The following DOCK1 variants were observed in gnomAD, a reference collection of about 807,000 sequenced individuals.
DOCK1 encodes dedicator of cytokinesis protein 1.
A neutral mutation model predicts 262.7 loss-of-function variants in DOCK1; 138 were observed. The ratio of observed to expected loss-of-function variants is 0.53; its 90% confidence interval spans 0.46 to 0.61. The LOEUF (loss-of-function observed/expected upper bound fraction) is 0.61, where lower values mean the gene tolerates loss of function less well. Among genes scored for constraint, DOCK1 ranks in the 20% least tolerant of loss-of-function variants. The pLI is 0.00. For missense variants in DOCK1, 1,908 were observed against 2,370.7 expected, an observed-to-expected ratio of 0.80 and a Z score of 4.05; for synonymous variants, 866 against 867.4, an observed-to-expected ratio of 1.00 and a Z score of 0.03.
At chr10:127,433,810 G>A (rs955664061) in intron 48 of DOCK1, among the ~76,000 whole-genome samples, 1 of 151,738 alleles carries the variant, frequency 6.6e-6, no homozygotes, top group Non-Finnish European at 1.5e-5. Flanking sequence ...CCTTAAAACA[G>A]TATGAGATTG....
At chr10:127,101,489 G>A (rs1273314089) in intron 23 of DOCK1, among the ~76,000 whole-genome samples, 3 of 152,182 alleles carry the variant, frequency 2.0e-5, no homozygotes, top group Non-Finnish European at 4.4e-5. Flanking sequence ...CATCTTGGTC[G>A]GTTAAGCAGA....
chr10:126,999,008 G>A (rs1254363062), intron 8 of DOCK1, among the ~76,000 whole-genome samples: 1 of 151,924 alleles, frequency 6.6e-6, no homozygotes, highest in Non-Finnish European at 1.5e-5. Context: ...CAATGTATTT[G>A]GTTTGTCATA....
chr10:127,439,012 T>C lies in DOCK1; in HGVS notation c.5061-15T>C, dbSNP rs1368001918. ...AATTGCTCTCCTATTAAGACGTCAT[T>C]GACCTTTCCTTTAGGTTTGCCCTGG... On this transcript the variant is annotated splice_polypyrimidine_tract_variant and intron_variant, in intron 48 of 51. Coordinates refer to ENST00000623213, the MANE Select transcript of DOCK1 (RefSeq NM_001290223.2). 2 of 1,546,116 alleles carry C rather than the reference T, an allele frequency of 1.3e-6. No individual in the cohort carries two copies. Among genetic ancestry groups the C allele is most frequent in the African/African-American group, 1.4e-5 (1 of 72,702 alleles).
intron 1 of DOCK1, among the ~76,000 whole-genome samples, chr10:126,946,840 C>G (rs1367931004): frequency 2.6e-5 from 4 of 152,200 alleles, no homozygotes; most frequent in Non-Finnish European, 5.9e-5. Context: ...ATGGTTTCTT[C>G]CCAGCATTTG....
chr10:126,930,366 C>T (rs1278091082), intron 1 of DOCK1, among the ~76,000 whole-genome samples: 1 of 152,356 alleles, frequency 6.6e-6, no homozygotes, highest in East Asian at 1.9e-4. Flanking sequence ...CATTTAGTTG[C>T]ACGATTCTTG....
intron 35 of DOCK1, among the ~76,000 whole-genome samples, chr10:127,377,353 A>G (rs1345814157): frequency 6.6e-6 from 1 of 152,228 alleles, no homozygotes; most frequent in African/African-American, 2.4e-5. Flanking sequence ...ATGTATAACC[A>G]TCTCTAAATG....
chr10:126,968,942 A>G (rs1439057912), intron 1 of DOCK1, among the ~76,000 whole-genome samples: 1 of 152,250 alleles, frequency 6.6e-6, no homozygotes, highest in Non-Finnish European at 1.5e-5. Flanking sequence ...ACCTGAGGAA[A>G]TAGAATTTTC....
chr10:127,420,871 C>T (rs1055666940), intron 46 of DOCK1, among the ~76,000 whole-genome samples: 15 of 150,762 alleles, frequency 9.9e-5, no homozygotes, highest in South Asian at 2.1e-4. Flanking sequence ...CAAGGCTGTT[C>T]CTCTTATGAG....
At chr10:127,030,132 G>T (rs565243286) in intron 16 of DOCK1, among the ~76,000 whole-genome samples, 13 of 152,252 alleles carry the variant, frequency 8.5e-5, no homozygotes, top group Admixed American at 8.5e-4. Context: ...AGTGGGATCC[G>T]ACGGTAAATA....
intron 29 of DOCK1, among the ~76,000 whole-genome samples, chr10:127,263,130 G>A (rs938564426): frequency 2.6e-5 from 4 of 152,156 alleles, no homozygotes; most frequent in African/African-American, 4.8e-5. Flanking sequence ...TACTGCTTAC[G>A]TGAGTGAATT....
chr10:127,204,824 C>T (rs957513632), intron 27 of DOCK1, among the ~76,000 whole-genome samples: 3 of 152,122 alleles, frequency 2.0e-5, no homozygotes, highest in Admixed American at 1.3e-4. Context: ...CCGTGATAGC[C>T]GATACCCTCA....
intron 29 of DOCK1, among the ~76,000 whole-genome samples, chr10:127,328,875 C>T (rs1313227880): frequency 1.3e-5 from 2 of 151,916 alleles, no homozygotes; most frequent in Non-Finnish European, 2.9e-5. Context: ...CCCATGCCTG[C>T]AGTTTCTGAA....
chr10:126,982,707 G>A (rs941608166), intron 4 of DOCK1, among the ~76,000 whole-genome samples: 1 of 152,084 alleles, frequency 6.6e-6, no homozygotes, highest in Admixed American at 6.6e-5. Flanking sequence ...AGAACCGTTC[G>A]GGTTCCATAG....
At chr10:127,201,245 C>G (rs1471600727) in intron 27 of DOCK1, among the ~76,000 whole-genome samples, 1 of 152,174 alleles carries the variant, frequency 6.6e-6, no homozygotes, top group East Asian at 1.9e-4. Flanking sequence ...AGCCTTCACT[C>G]TCCTCTTTCT....
At chr10:126,909,077 TG>T (rs903768683) in intron 1 of DOCK1, among the ~76,000 whole-genome samples, 2 of 152,126 alleles carry the variant, frequency 1.3e-5, no homozygotes, top group Non-Finnish European at 1.5e-5. Flanking sequence ...AATTCGTAGA[TG>T]GGAGATTATT....
At chr10:127,061,577 C>T in intron 22 of DOCK1, 91 bp from the exon 23 acceptor site, 1 of 1,080,790 alleles carries the variant, frequency 9.3e-7, no homozygotes, top group Non-Finnish European at 1.4e-6. Flanking sequence ...AACTTGTCAC[C>T]CAAGTGATTC....
At position 127,138,085 on chromosome 10, in the gene DOCK1, G is replaced by A. The variant is rs1217666031; in HGVS notation, c.2847+10321G>A. The A allele has an allele frequency of 4.2e-6, 6 of 1,428,600 alleles. No individual in the cohort carries two copies. The East Asian group carries it at 1.1e-4, about 27-fold the overall frequency. 88.5% of individuals were successfully genotyped at this position (1,428,600 alleles called of 1,614,324 possible). The stretch of plus-strand genomic sequence containing the variant: ...TTTCCATATGAAGATCCCTCTTAGT[G>A]TCAGCAAGATTTGGGCATGATCAGT... On this transcript the variant is annotated intron_variant, in intron 27 of 51. Transcript: ENST00000623213.
chr10:127,419,808 G>A (rs2068390986), intron 46 of DOCK1, 59 bp downstream of exon 46: 1 of 1,513,950 alleles, frequency 6.6e-7, no homozygotes, highest in African/African-American at 1.4e-5. Context: ...GGAGGGTCTA[G>A]GCTCAGCACA....
rs929046827 is a variant in DOCK1, at chr10:127,446,660, G to A, written c.5414-734G>A. Among the ~76,000 whole-genome samples the A allele has an allele frequency of 2.0e-5, 3 of 152,102 alleles. No homozygotes were observed. Among genetic ancestry groups the A allele is most frequent in the African/African-American group, 4.8e-5 (2 of 41,428 alleles). ...AATCCTAGGGGAAAACTCCAAAAGA[G>A]ACTCATCAGTAAAAATGTCCATTTT... On this transcript the variant is annotated intron_variant, in intron 50 of 51. Coordinates refer to ENST00000623213, the MANE Select transcript of DOCK1 (RefSeq NM_001290223.2). The surrounding 1 kb of genome is among the most constrained non-coding windows in gnomAD (Gnocchi z 4.4).
Sources: allele counts gnomAD v4.1 joint callset (sites outside exome capture counted in the v4.1 genomes callset), GRCh38; gene constraint gnomAD v4.1.1; non-coding constraint Gnocchi (gnomAD v3.1); transcripts MANE v1.5; gene names NCBI Gene and HGNC (gene_info 2026-07-23, HGNC 2026-07-21).